KLHL2: variants seen among roughly 807,000 people sequenced by gnomAD.
KLHL2 encodes the protein kelch like family member 2.
A neutral mutation model predicts 75.8 loss-of-function variants in KLHL2; 15 were observed. The observed-to-expected ratio is 0.20, with a 90% CI of 0.13 to 0.30. The LOEUF (loss-of-function observed/expected upper bound fraction) is 0.30, where lower values mean the gene tolerates loss of function less well. Among genes scored for constraint, KLHL2 ranks in the 10% least tolerant of loss-of-function variants. The probability of loss-of-function intolerance (pLI) is 1.00; values close to 1 mark genes in which losing one functional copy is unlikely to be tolerated. For missense variants in KLHL2, 381 were observed against 741.0 expected (o/e 0.51, Z 5.64); for synonymous variants, 214 against 251.9 (o/e 0.85, Z 1.42).
chr4:165,242,542 G>A (rs138332920), intron 4 of KLHL2, among the ~76,000 whole-genome samples: 33,002 of 151,982 alleles, frequency 0.22, 4,077 homozygotes, highest in Non-Finnish European at 0.29. Context: ...CTGTTGCCCA[G>A]GCTGTGGTCA....
At chr4:165,274,065 CTTTT>C (rs1366471853) in intron 5 of KLHL2, among the ~76,000 whole-genome samples, 4 of 93,050 alleles carry the variant, frequency 4.3e-5, no homozygotes, top group African/African-American at 3.7e-4. Context: ...TAATATTTTT[CTTTT>C]TCTTTTTCTT....
chr4:165,220,120 G>A, intron 2 of KLHL2, 61 bp downstream of exon 2: 1 of 1,549,168 alleles, frequency 6.5e-7, no homozygotes, highest in East Asian at 2.3e-5. Flanking sequence ...TCAGTTGTTT[G>A]TAGTGAATAT....
intron 5 of KLHL2, among the ~76,000 whole-genome samples, chr4:165,268,474 A>T (rs1742421324): frequency 1.3e-5 from 2 of 152,104 alleles, no homozygotes; most frequent in Non-Finnish European, 2.9e-5. Flanking sequence ...CCCGCTACAC[A>T]CTGCTTTAAA....
At chr4:165,220,344 A>G (rs13109166) in intron 2 of KLHL2, among the ~76,000 whole-genome samples, 20 of 152,300 alleles carry the variant, frequency 1.3e-4, no homozygotes, top group Admixed American at 9.8e-4. Context: ...TGCAAAAAAA[A>G]GAAATGTAAA....
intron 4 of KLHL2, 114 bp from the exon 5 acceptor site, chr4:165,263,083 G>A: frequency 1.3e-6 from 1 of 755,776 alleles, no homozygotes; most frequent in South Asian, 1.9e-5. Context: ...GAATATGGGG[G>A]TATGGACGCA....
At chr4:165,259,116 T>G (rs1446858074) in intron 4 of KLHL2, among the ~76,000 whole-genome samples, 1 of 152,086 alleles carries the variant, frequency 6.6e-6, no homozygotes, top group African/African-American at 2.4e-5. Context: ...TTTTTTTTTT[T>G]CTTTGAGATG....
At chr4:165,307,537 A>G (rs946173817) in intron 9 of KLHL2, among the ~76,000 whole-genome samples, 1 of 152,188 alleles carries the variant, frequency 6.6e-6, no homozygotes, top group African/African-American at 2.4e-5. Flanking sequence ...ATGCTGTTCT[A>G]GGATCCTGCT....
chr4:165,304,196 C>G (rs1007306340), intron 8 of KLHL2, among the ~76,000 whole-genome samples: 1 of 152,198 alleles, frequency 6.6e-6, no homozygotes, highest in African/African-American at 2.4e-5. Context: ...GAATAACAGG[C>G]CTGAAAAAAA....
intron 1 of KLHL2, chr4:165,208,507 T>C (rs1412149864): frequency 6.6e-6 from 1 of 152,190 alleles, no homozygotes; most frequent in Admixed American, 6.5e-5. Context: ...GGCAAATTAG[T>C]AGCGTATCGA....
At chr4:165,313,489 C>A in intron 12 of KLHL2, 123 bp downstream of exon 12, 1 of 806,884 alleles carries the variant, frequency 1.2e-6, no homozygotes, top group Non-Finnish European at 1.8e-6. Context: ...TTTAGTGGCA[C>A]TGCTAAATGT....
intron 4 of KLHL2, among the ~76,000 whole-genome samples, chr4:165,257,939 T>A (rs1445175792): frequency 6.6e-6 from 1 of 151,848 alleles, no homozygotes; most frequent in African/African-American, 2.4e-5. Context: ...TAGTAGTGAC[T>A]TGAAAGGGAC....
chr4:165,316,848 G>A (rs906858306), intron 13 of KLHL2, among the ~76,000 whole-genome samples: 3 of 152,162 alleles, frequency 2.0e-5, no homozygotes, highest in Non-Finnish European at 4.4e-5. Context: ...TGGTTGGCCA[G>A]GGTGGGTAAG....
intron 3 of KLHL2, among the ~76,000 whole-genome samples, chr4:165,233,832 G>A (rs1739110431): frequency 6.6e-6 from 1 of 152,182 alleles, no homozygotes; most frequent in African/African-American, 2.4e-5. Context: ...AAGTTGGAAT[G>A]CTTTAGGCTG....
intron 3 of KLHL2, among the ~76,000 whole-genome samples, chr4:165,232,317 C>G (rs1738959331): frequency 6.6e-6 from 1 of 151,440 alleles, no homozygotes; most frequent in Non-Finnish European, 1.5e-5. Context: ...GTCCCACCTA[C>G]TCGGGAGGCT....
In KLHL2 at chr4:165,310,603, T is replaced by A; in HGVS notation, c.1090T>A (p.Ser364Thr). The change falls in exon 10 of 15, where the codon TCA (serine) becomes ACA (threonine). Residue 364 changes from serine to threonine, a missense_variant. By Grantham distance (58) the Ser-to-Thr change is moderately conservative. Coordinates refer to ENST00000226725, the MANE Select transcript of KLHL2 (RefSeq NM_007246.4). ...TTTTGCTGTTGGTGGCTTTAATGGC[T>A]CATTAAGAGTTCGCACTGTAGATTC... is the stretch of plus-strand genomic sequence containing the variant. ...LVFAVGGFNG[S>T]LRVRTVDSYD... 6.2e-7 allele frequency: 1 copy of A among 1,614,078 alleles called. No individual in the cohort carries two copies. The highest frequency in any genetic ancestry group is 8.5e-7 in the Non-Finnish European group (1 of 1,179,974).
chr4:165,269,049 C>G (rs1380154805), intron 5 of KLHL2, among the ~76,000 whole-genome samples: 2 of 152,032 alleles, frequency 1.3e-5, no homozygotes, highest in Non-Finnish European at 2.9e-5. Context: ...TGAATTGATC[C>G]CTTTACCATT....
intron 2 of KLHL2, among the ~76,000 whole-genome samples, chr4:165,222,416 A>T (rs1195725906): frequency 6.6e-6 from 1 of 152,032 alleles, no homozygotes; most frequent in Non-Finnish European, 1.5e-5. Context: ...TAACTGTGAG[A>T]TAGTACCTTC....
At chr4:165,321,567 G>A (rs866689158) in intron 14 of KLHL2, among the ~76,000 whole-genome samples, 13 of 152,056 alleles carry the variant, frequency 8.5e-5, no homozygotes, top group African/African-American at 2.9e-4. Context: ...TAAATTATGC[G>A]GGAGTAAAAA....
chr4:165,310,199 C>A (rs907114147), intron 9 of KLHL2, among the ~76,000 whole-genome samples: 1 of 152,092 alleles, frequency 6.6e-6, no homozygotes, highest in Non-Finnish European at 1.5e-5. Context: ...GTGGCGGGCG[C>A]CTGTAGTCCC....
Sources: gnomAD v4.1 joint callset for allele counts (sites outside exome capture counted in the v4.1 genomes callset) on GRCh38, gnomAD v4.1.1 for gene constraint, MANE v1.5 for transcripts, NCBI Gene and HGNC (gene_info 2026-07-23, HGNC 2026-07-21) for gene names.